Variants in IQCM observed in about 807,000 individuals in gnomAD.
IQCM encodes the protein IQ domain-containing protein M.
Under a neutral mutation model 57.6 loss-of-function variants are expected in IQCM, and 45 were observed. The ratio of observed to expected loss-of-function variants is 0.78; its 90% CI spans 0.62 to 1.00. IQCM has a LOEUF of 1.00. Ranked by LOEUF, IQCM falls within the 50% of genes least tolerant of loss-of-function variation. The probability of loss-of-function intolerance (pLI) is 0.00; values close to 1 mark genes in which losing one functional copy is unlikely to be tolerated. For missense variants in IQCM, 468 were observed against 511.6 expected, an observed-to-expected ratio of 0.91 and a Z score of 0.82; for synonymous variants, 148 against 158.9, an observed-to-expected ratio of 0.93 and a Z score of 0.51.
At chr4:149,694,227 T>TG (rs1323134894) in intron 5 of IQCM, among the ~76,000 whole-genome samples, 1 of 138,586 alleles carries the variant, frequency 7.2e-6, no homozygotes, top group Non-Finnish European at 1.6e-5. Flanking sequence ...TCTTTTTTTT[T>TG]TTTTTTTTTT....
intron 9 of IQCM, among the ~76,000 whole-genome samples, chr4:149,575,276 T>C (rs1466939641): frequency 1.3e-5 from 2 of 151,932 alleles, no homozygotes; most frequent in Non-Finnish European, 2.9e-5. Flanking sequence ...TGCATTAAAT[T>C]CAGCATGGGT....
intron 9 of IQCM, among the ~76,000 whole-genome samples, chr4:149,586,804 A>G (rs1423351753): frequency 1.3e-5 from 2 of 151,686 alleles, no homozygotes; most frequent in African/African-American, 2.4e-5. Flanking sequence ...GTTATTATGA[A>G]CACCTTTTTT....
intron 10 of IQCM, among the ~76,000 whole-genome samples, chr4:149,557,447 T>C (rs530327529): frequency 9.2e-5 from 14 of 152,268 alleles, no homozygotes; most frequent in African/African-American, 3.4e-4. Flanking sequence ...CCTGGAGAAA[T>C]GCTACTACTC....
chr4:149,696,193 C>T (rs1388229280), intron 5 of IQCM, among the ~76,000 whole-genome samples: 3 of 152,120 alleles, frequency 2.0e-5, no homozygotes, highest in African/African-American at 4.8e-5. Context: ...CTGCTCTCAT[C>T]AAAGATACAA....
At chr4:149,634,451 C>T (rs1011790071) in intron 7 of IQCM, among the ~76,000 whole-genome samples, 8 of 152,190 alleles carry the variant, frequency 5.3e-5, no homozygotes, top group Admixed American at 5.2e-4. Context: ...TGTATTCTAA[C>T]TCAGCCACAA....
At chr4:149,765,838 C>T (rs1237606746) in intron 2 of IQCM, among the ~76,000 whole-genome samples, 2 of 151,944 alleles carry the variant, frequency 1.3e-5, no homozygotes, top group Non-Finnish European at 2.9e-5. Context: ...GGACTGAAAC[C>T]ACCCAGATCC....
intron 12 of IQCM, among the ~76,000 whole-genome samples, chr4:149,477,530 T>G (rs1050297644): frequency 2.6e-5 from 4 of 152,134 alleles, no homozygotes; most frequent in Non-Finnish European, 5.9e-5. Context: ...ATCCACATGG[T>G]CCTTGCCCTC....
chr4:149,701,170 C>A (rs1763742598), intron 5 of IQCM, among the ~76,000 whole-genome samples: 2 of 151,884 alleles, frequency 1.3e-5, no homozygotes, highest in African/African-American at 2.4e-5. Context: ...TTCATTTAAC[C>A]CCAGCTGGGA....
Position 149,517,114 on chromosome 4 carries a change from GA to G in IQCM, c.1228+31340del, listed in dbSNP as rs34555374. ...ATGAAGGTTTGGGTCACTCCACCAGGAAAAAAAAAAAAAAAAAAAAAGCCAT... is the reference window on the plus strand; with the variant it reads ...ATGAAGGTTTGGGTCACTCCACCAGGAAAAAAAAAAAAAAAAAAAAGCCAT... On this transcript the variant is annotated intron_variant, in intron 12 of 13. Transcript: ENST00000636793. Among the ~76,000 whole-genome samples, 483 of 83,884 alleles carry G rather than the reference GA, an allele frequency of 5.8e-3. 3 individuals are homozygous for G. The highest frequency in any genetic ancestry group is 0.028 in the South Asian group (57 of 2,016). 55.0% of individuals were successfully genotyped at this position (83,884 alleles called of 152,430 possible).
intron 5 of IQCM, among the ~76,000 whole-genome samples, chr4:149,729,018 G>T (rs1388957189): frequency 2.0e-5 from 3 of 152,188 alleles, no homozygotes; most frequent in African/African-American, 7.2e-5. Context: ...GCAGGTATAG[G>T]ATAACCTCAG....
At chr4:149,729,460 TG>T (rs1433846754) in intron 5 of IQCM, among the ~76,000 whole-genome samples, 2 of 117,444 alleles carry the variant, frequency 1.7e-5, no homozygotes, top group Non-Finnish European at 3.3e-5. Context: ...CTTTTTTTGT[TG>T]TTTTTTTTTT....
At chr4:149,612,714 A>ACG (rs1262731073) in intron 8 of IQCM, among the ~76,000 whole-genome samples, 8 of 96,072 alleles carry the variant, frequency 8.3e-5, no homozygotes, top group African/African-American at 1.9e-4. Flanking sequence ...AAATTAATAT[A>ACG]GTTTTTTCAA....
rs538943133 is a variant in IQCM, at chr4:149,368,810, A to G, written c.1391-16744T>C. Among the ~76,000 whole-genome samples, 23 of 96,596 alleles carry G rather than the reference A, an allele frequency of 2.4e-4. 5 individuals carry two copies. The South Asian group carries it at 5.3e-3, about 22-fold the overall frequency. 63.4% of individuals were successfully genotyped at this position (96,596 alleles called of 152,430 possible). On this transcript the variant is annotated intron_variant, in intron 13 of 13. Transcript: ENST00000636793. The stretch of plus-strand genomic sequence containing the variant: ...TATATATATACATATATATACATGT[A>G]TATATATACATATATATACATGTAT...
intron 7 of IQCM, among the ~76,000 whole-genome samples, chr4:149,639,540 T>C (rs1156403856): frequency 6.6e-6 from 1 of 152,140 alleles, no homozygotes; most frequent in Non-Finnish European, 1.5e-5. Context: ...ATATTATTCA[T>C]GTTATGGTGC....
intron 2 of IQCM, chr4:149,780,438 CAG>C (rs1244318307): frequency 2.6e-5 from 4 of 152,098 alleles, no homozygotes; most frequent in Non-Finnish European, 5.9e-5. Context: ...CCAACCAAGA[CAG>C]AGAGTCTCAT....
chr4:149,593,262 G>A (rs1419024980), intron 8 of IQCM, among the ~76,000 whole-genome samples: 1 of 152,080 alleles, frequency 6.6e-6, no homozygotes, highest in East Asian at 1.9e-4. Context: ...CTGTTTGTCT[G>A]TTATTGGTGT....
intron 13 of IQCM, among the ~76,000 whole-genome samples, chr4:149,375,105 T>C (rs536521167): frequency 9.9e-5 from 15 of 152,006 alleles, no homozygotes; most frequent in Middle Eastern, 3.2e-3. Flanking sequence ...TATCAAAGAA[T>C]ACATATTGGT....
chr4:149,479,893 G>A (rs1290982781), intron 12 of IQCM, among the ~76,000 whole-genome samples: 2 of 152,176 alleles, frequency 1.3e-5, no homozygotes. Flanking sequence ...ATTAAATAAT[G>A]TGTCATATGC....
chr4:149,786,682 A>T (rs1454955159), intron 2 of IQCM, among the ~76,000 whole-genome samples: 1 of 152,186 alleles, frequency 6.6e-6, no homozygotes, highest in Non-Finnish European at 1.5e-5. Context: ...AGGAAACAAT[A>T]GATGCTGGCG....
Sources: gnomAD v4.1 joint callset for allele counts (sites outside exome capture counted in the v4.1 genomes callset) on GRCh38, gnomAD v4.1.1 for gene constraint, MANE v1.5 for transcripts, NCBI Gene and HGNC (gene_info 2026-07-23, HGNC 2026-07-21) for gene names.